PLEKHG3: variants seen among roughly 807,000 people sequenced by gnomAD.
The protein encoded by PLEKHG3 is pleckstrin homology and RhoGEF domain containing G3, also known as pleckstrin homology domain-containing family G member 3.
Under a neutral mutation model 94.9 loss-of-function variants are expected in PLEKHG3, and 62 were observed. That is an observed-to-expected ratio of 0.65 (90% CI 0.53 to 0.81). The LOEUF (loss-of-function observed/expected upper bound fraction) is 0.81, where lower values mean the gene tolerates loss of function less well. PLEKHG3 is among the 30% of genes least tolerant of loss of function. The probability of loss-of-function intolerance (pLI) is 0.00; values close to 1 mark genes in which losing one functional copy is unlikely to be tolerated. For synonymous variants in PLEKHG3, 614 were observed against 654.0 expected, an observed-to-expected ratio of 0.94 and a Z score of 0.93; for missense variants, 1,461 against 1,619.3, an observed-to-expected ratio of 0.90 and a Z score of 1.68.
At position 64,741,938 on chromosome 14, in the gene PLEKHG3, G is replaced by C; in HGVS notation, c.2421G>C (p.Glu807Asp). The C allele has an allele frequency of 6.3e-7, 1 of 1,581,492 alleles. No individual in the cohort carries two copies. Among genetic ancestry groups the C allele is most frequent in the Non-Finnish European group, 8.6e-7 (1 of 1,165,726 alleles). Residue 807 changes from glutamate to aspartate, a missense_variant, in exon 16 of 17, where the codon GAG becomes GAC. Physicochemically the swap from Glu to Asp is conservative, Grantham distance 45 (BLOSUM62 2). Transcript: ENST00000247226. ...ACCCACCTCCCATCTCAGATGCTGA[G>C]TTCCGCCCATCTTCAGAAATTGTGA... ...KGDPPPISDA[E>D]FRPSSEIVKI...
Position 64,747,133 on chromosome 14 carries a change from C to T in PLEKHG3, c.*3430C>T, listed in dbSNP as rs1444328059. On this transcript the variant is annotated 3_prime_UTR_variant, in exon 17 of 17. Transcript: ENST00000247226. ...GCTAGCTCTTCCACTAGAGCCCTTCCTTTCTCGGGTCTGTGGAGTTGCTTG... is the reference window on the plus strand; with the variant it reads ...GCTAGCTCTTCCACTAGAGCCCTTCTTTTCTCGGGTCTGTGGAGTTGCTTG... The T allele has an allele frequency of 6.6e-6, 1 of 152,532 alleles. No individual in the cohort carries two copies. Among genetic ancestry groups the T allele is most frequent in the Non-Finnish European group, 1.5e-5 (1 of 68,066 alleles). The allele number at this position is 152,532 out of a possible 1,614,324, so 9.4% of individuals were successfully genotyped here. A position where few individuals can be genotyped will look rare whatever the true frequency, so the allele number is the denominator to read the frequency against.
At position 64,731,187 on chromosome 14, in the gene PLEKHG3, C is replaced by T. The variant is rs375129862; in HGVS notation, c.849+18C>T. ...GGCTCCAGGTGCTCTGGGGCTGGGA[C>T]GCTGGGGGAGGGGCAGGGCTGGGTG... On this transcript the variant is annotated intron_variant, in intron 7 of 16. Coordinates refer to ENST00000247226, the MANE Select transcript of PLEKHG3 (RefSeq NM_001308147.2). The surrounding 1 kb of genome is among the most constrained non-coding windows in gnomAD (Gnocchi z 6.1). 8.3e-5 allele frequency: 99 copies of T among 1,192,448 alleles called. No homozygotes were observed. The highest frequency in any genetic ancestry group is 1.1e-4 in the African/African-American group (7 of 64,818). 73.9% of individuals were successfully genotyped at this position (1,192,448 alleles called of 1,614,324 possible).
chr14:64,733,304 A>G (rs986520601), intron 12 of PLEKHG3, among the ~76,000 whole-genome samples: 2 of 151,618 alleles, frequency 1.3e-5, no homozygotes, highest in Non-Finnish European at 1.5e-5. Flanking sequence ...AGCTGGGACT[A>G]CAAGCGTGCA....
chr14:64,750,229 AT>A lies in PLEKHG3; in HGVS notation c.*6528del. 1 of 1,439,924 alleles carries A rather than the reference AT, an allele frequency of 6.9e-7. No homozygotes were observed. Among genetic ancestry groups the A allele is most frequent in the Non-Finnish European group, 9.4e-7 (1 of 1,061,318 alleles). 89.2% of individuals were successfully genotyped at this position (1,439,924 alleles called of 1,614,324 possible). ...TAGAGTCAATTCCTATAGCTTCACC[AT>A]TAAAAAAAATTACACCATGTTTGTT... is the stretch of plus-strand genomic sequence containing the variant. On this transcript the variant is annotated 3_prime_UTR_variant, in exon 17 of 17. Transcript: ENST00000247226.
chr14:64,749,389 G>GA lies in PLEKHG3; in HGVS notation c.*5686_*5687insA. ...GCGTCGGGGCCGGAGAGGGAAGGCA[G>GA]GGGCAGGCTCTGCGCCTTGACGCGG... On this transcript the variant is annotated 3_prime_UTR_variant, in exon 17 of 17. Coordinates refer to ENST00000247226, the MANE Select transcript of PLEKHG3 (RefSeq NM_001308147.2). The surrounding 1 kb of genome is among the most constrained non-coding windows in gnomAD (Gnocchi z 4.7). 1 of 1,609,896 alleles carries GA rather than the reference G, an allele frequency of 6.2e-7. No individual in the cohort carries two copies.
rs1428113870 is a variant in PLEKHG3 at position 64,737,436 on chromosome 14, C to G, written c.1404+61C>G. Reference sequence around the variant, plus strand: ...AGGAGGGTGGGACTGCCCAGGTCAGCCCCCGGCCCCTTCAGCCCTCATTGT... The same window carrying G: ...AGGAGGGTGGGACTGCCCAGGTCAGGCCCCGGCCCCTTCAGCCCTCATTGT... On this transcript the variant is annotated intron_variant, in intron 14 of 16. Transcript: ENST00000247226. 5 of 1,186,836 alleles carry G rather than the reference C, an allele frequency of 4.2e-6. No homozygotes were observed. In the East Asian group the frequency reaches 1.2e-4, roughly 29 times the overall value. The allele number at this position is 1,186,836 out of a possible 1,614,324, so 73.5% of individuals were successfully genotyped here.
chr14:64,712,464 A>G (rs2081077978), intron 1 of PLEKHG3, among the ~76,000 whole-genome samples: 1 of 152,192 alleles, frequency 6.6e-6, no homozygotes, highest in Admixed American at 6.5e-5. Context: ...ATGAACAAGG[A>G]ATGTCTTTTA....
intron 14 of PLEKHG3, chr14:64,737,971 A>G: frequency 8.8e-7 from 1 of 1,141,136 alleles, no homozygotes; most frequent in Non-Finnish European, 1.1e-6. Flanking sequence ...GAAGAGGAGG[A>G]GGTGGTGGAG....
chr14:64,722,751 G>A lies in PLEKHG3; in HGVS notation c.-39-4842G>A, dbSNP rs550389431. 6.6e-6 allele frequency among the ~76,000 whole-genome samples: 1 copy of A among 152,290 alleles called. No homozygotes were observed. The highest frequency in any genetic ancestry group is 2.1e-4 in the South Asian group (1 of 4,824). The stretch of plus-strand genomic sequence containing the variant: ...GGGAGTCTGGTGTGCCCACCAGAGG[G>A]TTCACCCCCAAGTGTCCTCTTCCCC... On this transcript the variant is annotated intron_variant, in intron 1 of 16. Transcript: ENST00000247226. The surrounding 1 kb of genome is among the most constrained non-coding windows in gnomAD (Gnocchi z 4.3).
In PLEKHG3 at chr14:64,723,759, C is replaced by T. The variant is rs1279240301; in HGVS notation, c.-39-3834C>T. The stretch of plus-strand genomic sequence containing the variant: ...CAAGTGATCTGCCCCCCTCTGCCTC[C>T]CACAGTGCTGGGATTACAGGCGTGA... On this transcript the variant is annotated intron_variant, in intron 1 of 16. Transcript: ENST00000247226. This position sits in a 1 kb window ranked among gnomAD's most constrained non-coding sequence, Gnocchi z 4.5. 6.6e-6 allele frequency: 1 copy of T among 152,252 alleles called. No individual in the cohort carries two copies. The highest frequency in any genetic ancestry group is 1.5e-5 in the Non-Finnish European group (1 of 68,080). 9.4% of individuals were successfully genotyped at this position (152,252 alleles called of 1,614,324 possible). A position where few individuals can be genotyped will look rare whatever the true frequency, so the allele number is the denominator to read the frequency against.
chr14:64,742,345 T>C lies in PLEKHG3; in HGVS notation c.2828T>C (p.Val943Ala), dbSNP rs769877097. 8.4e-5 allele frequency: 135 copies of C among 1,612,864 alleles called. 1 individual carries two copies. The South Asian group carries it at 1.5e-3, about 17-fold the overall frequency. The change falls in exon 16 of 17, where the codon GTG becomes GCG. Residue 943 changes from valine to alanine, a missense_variant. Val to Ala is a moderately conservative substitution (Grantham distance 64). Coordinates refer to ENST00000247226, the MANE Select transcript of PLEKHG3 (RefSeq NM_001308147.2). ...YSLRIKSNKP[V>A]MARPPLQWEK... The stretch of plus-strand genomic sequence containing the variant: ...CTCCGGATCAAGAGCAACAAGCCAG[T>C]GATGGCCAGGCCACCACTGCAGTGG...
rs550763594 is a variant in PLEKHG3, at chr14:64,743,832, C to G, written c.*129C>G. 37 of 1,011,414 alleles carry G rather than the reference C, an allele frequency of 3.7e-5. 2 individuals are homozygous for G. In the African/African-American group the frequency reaches 5.5e-4, roughly 15 times the overall value. 62.7% of individuals were successfully genotyped at this position (1,011,414 alleles called of 1,614,324 possible). A position where few individuals can be genotyped will look rare whatever the true frequency, so the allele number is the denominator to read the frequency against. ...AGGTGGGCGGAAAGTCCATCCCCTC[C>G]GCCCTTCAGGAAGGATGCTCCCGTG... On this transcript the variant is annotated 3_prime_UTR_variant, in exon 17 of 17. Coordinates refer to ENST00000247226, the MANE Select transcript of PLEKHG3 (RefSeq NM_001308147.2). The surrounding 1 kb of genome is among the most constrained non-coding windows in gnomAD (Gnocchi z 7.2).
At chr14:64,734,195 A>G (rs912175153) in intron 12 of PLEKHG3, among the ~76,000 whole-genome samples, 1 of 152,188 alleles carries the variant, frequency 6.6e-6, no homozygotes, top group African/African-American at 2.4e-5. Flanking sequence ...CCACCTTGCT[A>G]TGGTTGCAAA....
Position 64,731,468 on chromosome 14 carries a change from C to A in PLEKHG3, c.957C>A (p.Thr319=), listed in dbSNP as rs544449980. 6.2e-7 allele frequency: 1 copy of A among 1,614,104 alleles called. No individual in the cohort carries two copies. Among genetic ancestry groups the A allele is most frequent in the African/African-American group, 1.3e-5 (1 of 75,034 alleles). The change falls in exon 8 of 17, where the codon ACC becomes ACA. Residue 319 remains threonine, a synonymous_variant. Transcript: ENST00000247226. This position sits in a 1 kb window ranked among gnomAD's most constrained non-coding sequence, Gnocchi z 6.1. ...TGCATCGCGTGCGCAATGAAAGGAC[C>A]TTTTTCCTCTTTGACAAAACACTGC... ...FRVHRVRNER[T]FFLFDKTLLI...
In PLEKHG3 at chr14:64,732,495, A is replaced by G; in HGVS notation, c.1246+35A>G. 1.3e-6 allele frequency: 2 copies of G among 1,581,136 alleles called. No individual in the cohort carries two copies. The highest frequency in any genetic ancestry group is 1.7e-5 in the Admixed American group (1 of 59,944). On this transcript the variant is annotated intron_variant, in intron 11 of 16. Coordinates refer to ENST00000247226, the MANE Select transcript of PLEKHG3 (RefSeq NM_001308147.2). The surrounding 1 kb of genome is among the most constrained non-coding windows in gnomAD (Gnocchi z 4.9). ...CCCTTTTCTGCCTGTTTTGTCCCTA[A>G]TCGTGCACATTGCTAGGTCAGGCTG...
Position 64,739,458 on chromosome 14 carries a change from G to A in PLEKHG3, c.1518+603G>A, listed in dbSNP as rs1167410013. Among the ~76,000 whole-genome samples the A allele has an allele frequency of 1.3e-5, 2 of 152,174 alleles. No individual in the cohort carries two copies. Among genetic ancestry groups the A allele is most frequent in the Non-Finnish European group, 2.9e-5 (2 of 68,036 alleles). ...CTATGCTGTCTGTGGGTTGTAGGAA[G>A]CAGCATCCTTTACTTTCCCAAAGTT... On this transcript the variant is annotated intron_variant, in intron 15 of 16. Transcript: ENST00000247226. The surrounding 1 kb of genome is among the most constrained non-coding windows in gnomAD (Gnocchi z 4.1).
Position 64,732,788 on chromosome 14 carries a change from C to G in PLEKHG3, c.1247-15C>G. ...TTGGGAATCAAAAGCTTGATCGTCTCTCTCCTGGGTGCAGATCCCAATCGG... is the reference window on the plus strand; with the variant it reads ...TTGGGAATCAAAAGCTTGATCGTCTGTCTCCTGGGTGCAGATCCCAATCGG... On this transcript the variant is annotated splice_polypyrimidine_tract_variant and intron_variant, in intron 11 of 16. Transcript: ENST00000247226. The surrounding 1 kb of genome is among the most constrained non-coding windows in gnomAD (Gnocchi z 4.9). 1 of 1,586,334 alleles carries G rather than the reference C, an allele frequency of 6.3e-7. No homozygotes were observed. The highest frequency in any genetic ancestry group is 8.6e-7 in the Non-Finnish European group (1 of 1,164,730).
Position 64,727,486 on chromosome 14 carries a change from A to C in PLEKHG3, c.-39-107A>C. 1 of 592,888 alleles carries C rather than the reference A, an allele frequency of 1.7e-6. No individual in the cohort carries two copies. Among genetic ancestry groups the C allele is most frequent in the Non-Finnish European group, 3.0e-6 (1 of 330,232 alleles). 36.7% of individuals were successfully genotyped at this position (592,888 alleles called of 1,614,324 possible). On this transcript the variant is annotated intron_variant, in intron 1 of 16. Transcript: ENST00000247226. This position sits in a 1 kb window ranked among gnomAD's most constrained non-coding sequence, Gnocchi z 6.0. ...TCTAAAACTGAACTCTGGATGCACT[A>C]AATAATACCTTCCCACCCCACCTGC...
At chr14:64,736,553 C>T (rs576510504) in intron 12 of PLEKHG3, among the ~76,000 whole-genome samples, 4 of 152,292 alleles carry the variant, frequency 2.6e-5, no homozygotes, top group Admixed American at 2.6e-4. Context: ...CCCTATGGCT[C>T]CTGCGCGAGG....
Sources: allele counts gnomAD v4.1 joint callset (sites outside exome capture counted in the v4.1 genomes callset), GRCh38; gene constraint gnomAD v4.1.1; non-coding constraint Gnocchi (gnomAD v3.1); transcripts MANE v1.5; gene names NCBI Gene and HGNC (gene_info 2026-07-23, HGNC 2026-07-21).